Variants in LONP1 observed in about 807,000 individuals in gnomAD.
The protein encoded by LONP1 is lon protease homolog, mitochondrial.
A neutral mutation model predicts 98.5 loss-of-function variants in LONP1; 31 were observed. That is an observed-to-expected ratio of 0.31 (90% confidence interval 0.24 to 0.42). The LOEUF (loss-of-function observed/expected upper bound fraction) is 0.42. LONP1 is among the 20% of genes least tolerant of loss of function. The pLI, the probability that LONP1 is intolerant of heterozygous loss-of-function variation, is 1.00. For synonymous variants in LONP1, 781 were observed against 594.7 expected (o/e 1.31, Z -4.56); for missense variants, 1,336 against 1,350.6 (o/e 0.99, Z 0.17).
chr19:5,719,253 T>C lies in LONP1; in HGVS notation c.429+451A>G, dbSNP rs2055382401. ...GCCATATCCCCAGAACCTAGAACAC[T>C]CTCTGGCAAATAATAAGCAATCAAG... On this transcript the variant is annotated intron_variant, in intron 1 of 17. Transcript: ENST00000360614. 2.0e-5 allele frequency among the ~76,000 whole-genome samples: 3 copies of C among 152,124 alleles called. No homozygotes were observed. In the South Asian group the frequency reaches 6.2e-4, roughly 31 times the overall value.
intron 17 of LONP1, among the ~76,000 whole-genome samples, chr19:5,692,541 G>A (rs1270420425): frequency 6.6e-6 from 1 of 152,152 alleles, no homozygotes; most frequent in East Asian, 1.9e-4. Context: ...GGCAGTGTCT[G>A]GGGCCTGAAC....
intron 1 of LONP1, among the ~76,000 whole-genome samples, chr19:5,716,933 ACG>A (rs1568329686): frequency 6.6e-6 from 1 of 151,944 alleles, no homozygotes; most frequent in East Asian, 1.9e-4. Flanking sequence ...AGCTGGGACT[ACG>A]GGCGCCCACC....
At chr19:5,692,785 C>T (rs1285164813) in intron 17 of LONP1, among the ~76,000 whole-genome samples, 2 of 152,154 alleles carry the variant, frequency 1.3e-5, no homozygotes, top group East Asian at 3.8e-4. Flanking sequence ...TCAAGGTGGT[C>T]ACAGCCACTT....
upstream of LONP1, chr19:5,720,221 G>C (rs779511987): frequency 7.2e-7 from 1 of 1,381,786 alleles, no homozygotes; most frequent in Non-Finnish European, 9.3e-7. Flanking sequence ...CTCGGTACCC[G>C]ATGGGCGCGT....
intron 9 of LONP1, 58 bp downstream of exon 9, chr19:5,700,731 G>A: frequency 6.2e-7 from 1 of 1,603,194 alleles, no homozygotes; most frequent in Non-Finnish European, 8.5e-7. Context: ...CAGCACACAA[G>A]AGTCCTGGGC....
At chr19:5,692,510 C>T (rs985289605) in intron 17 of LONP1, among the ~76,000 whole-genome samples, 16 of 152,190 alleles carry the variant, frequency 1.1e-4, no homozygotes, top group South Asian at 4.1e-4. Context: ...CACACACCCA[C>T]GGCCTCACAT....
In LONP1 at chr19:5,719,827, G is replaced by C; in HGVS notation, c.306C>G (p.Gly102=). The C allele has an allele frequency of 6.2e-7, 1 of 1,609,610 alleles. No homozygotes were observed. Among genetic ancestry groups the C allele is most frequent in the Non-Finnish European group, 8.5e-7 (1 of 1,178,728 alleles). The change falls in exon 1 of 18, where the codon GGC becomes GGG. Residue 102 remains glycine, a synonymous_variant. Transcript: ENST00000360614. ...EGAGGAGGSA[G]AGEGPVITAL... ...CCGTTATGACCGGGCCTTCCCCGGC[G>C]CCCGCGCTGCCCCCCGCGCCGCCGG...
In LONP1 at chr19:5,696,298, T is replaced by G. The variant is rs200839886; in HGVS notation, c.1847A>C (p.Asn616Thr). Residue 616 changes from asparagine to threonine, a missense_variant, in exon 12 of 18, where the codon AAT (asparagine) becomes ACT (threonine). By Grantham distance (65) the Asn-to-Thr change is moderately conservative. This residue lies in a region of LONP1 where 555 missense variants were observed against 542.6 expected (regional missense o/e 1.02). Coordinates refer to ENST00000360614, the MANE Select transcript of LONP1 (RefSeq NM_004793.4). ...CAGGTAGTGGTCCAGGAAGTTGGCA[T>G]TCTGCTCTGGGTCCAGCAGCTCCAG... ...ALLELLDPEQ[N>T]ANFLDHYLDV... is the part of the protein sequence containing the mutation. 5 of 1,613,398 alleles carry G rather than the reference T, an allele frequency of 3.1e-6. No individual in the cohort carries two copies. The highest frequency in any genetic ancestry group is 1.7e-5 in the Admixed American group (1 of 60,016).
intron 10 of LONP1, 25 bp downstream of exon 10, chr19:5,699,002 G>C (rs1352839543): frequency 4.4e-6 from 7 of 1,586,272 alleles, no homozygotes; most frequent in Non-Finnish European, 6.0e-6. Flanking sequence ...GGAGTGCGTG[G>C]GGAGAGCTGT....
chr19:5,700,748 A>AC (rs1303020563), intron 9 of LONP1, 41 bp downstream of exon 9: 2 of 1,610,748 alleles, frequency 1.2e-6, no homozygotes, highest in African/African-American at 2.7e-5. Context: ...GGGCCCGGGC[A>AC]CCCACATGCA....
In LONP1 at chr19:5,696,691, G is replaced by A. The variant is rs1168674097; in HGVS notation, c.1752C>T (p.Asn584=). ...IQCLKKTKTE[N]PLILIDEVDK... ...GCACCTCGTCGATGAGGATCAGGGG[G>A]TTCTCCGTCTTGGTCTTCTTCAAAC... Residue 584 remains asparagine (N), a synonymous_variant, in exon 11 of 18, where the codon AAC becomes AAT. Coordinates refer to ENST00000360614, the MANE Select transcript of LONP1 (RefSeq NM_004793.4). 1.1e-5 allele frequency: 17 copies of A among 1,613,554 alleles called. No homozygotes were observed. The East Asian group carries it at 1.3e-4, about 13-fold the overall frequency.
In LONP1 at chr19:5,707,596, G is replaced by C. The variant is rs562271979; in HGVS notation, c.1062+101C>G. Reference sequence around the variant, plus strand: ...TGGAGGGACAAGGGCAGCCAGGCATGGGGGAGCTGAGGAGGAACGGGGGCA... The same window carrying C: ...TGGAGGGACAAGGGCAGCCAGGCATCGGGGAGCTGAGGAGGAACGGGGGCA... On this transcript the variant is annotated intron_variant, in intron 6 of 17. Transcript: ENST00000360614. The C allele has an allele frequency of 3.9e-6, 5 of 1,279,748 alleles. No homozygotes were observed. The East Asian group carries it at 7.0e-5, about 18-fold the overall frequency. 79.3% of individuals were successfully genotyped at this position (1,279,748 alleles called of 1,614,324 possible).
At chr19:5,698,796 T>C (rs1030008442) in intron 10 of LONP1, among the ~76,000 whole-genome samples, 1 of 152,192 alleles carries the variant, frequency 6.6e-6, no homozygotes, top group Admixed American at 6.5e-5. Context: ...GAGAAGTCTC[T>C]CTCCCAGGGG....
intron 4 of LONP1, among the ~76,000 whole-genome samples, chr19:5,709,900 T>A (rs1599473286): frequency 1.3e-5 from 1 of 79,782 alleles, no homozygotes; most frequent in Non-Finnish European, 2.2e-5. Flanking sequence ...CGACAGAGGC[T>A]CCATCTCAAA....
At chr19:5,694,250 C>T (rs1022226007) in intron 15 of LONP1, 137 bp downstream of exon 15, 54 of 1,158,852 alleles carry the variant, frequency 4.7e-5, no homozygotes, top group Non-Finnish European at 6.5e-5. Context: ...ACCCCCTGGG[C>T]TCCCAGCACA....
rs1345467036 is a variant in LONP1, at chr19:5,693,614, T to C, written c.2476A>G (p.Met826Val). The C allele has an allele frequency of 6.2e-7, 1 of 1,614,072 alleles. No individual in the cohort carries two copies. Among genetic ancestry groups the C allele is most frequent in the South Asian group, 1.1e-5 (1 of 91,074 alleles). The change falls in exon 16 of 18, where the codon ATG becomes GTG. Residue 826 changes from methionine to valine, a missense_variant. Transcript: ENST00000360614. ...TAGTCATTGGCGGGGGCGTGCTGCA[T>C]GAGGAAGGCTCTGGCGAAGGTGTAG... ...IAYTFARAFL[M>V]QHAPANDYLV...
At chr19:5,717,227 G>C (rs1348076054) in intron 1 of LONP1, 3 of 152,188 alleles carry the variant, frequency 2.0e-5, no homozygotes, top group Non-Finnish European at 4.4e-5. Context: ...GAGCAAGTTG[G>C]CCAGACAAGT....
chr19:5,702,128 G>A (rs1289429590), intron 8 of LONP1, among the ~76,000 whole-genome samples: 21 of 148,178 alleles, frequency 1.4e-4, no homozygotes, highest in South Asian at 1.1e-3. Context: ...GGTGAGGGGC[G>A]CCTCTGCCCG....
At position 5,699,174 on chromosome 19, in the gene LONP1, G is replaced by A. The variant is rs1434711186; in HGVS notation, c.1538C>T (p.Ser513Phe). The change falls in exon 10 of 18, where the codon TCC becomes TTC. Residue 513 changes from serine to phenylalanine, a missense_variant. This residue lies in a region of LONP1 where 219 missense variants were observed against 241.0 expected (regional missense o/e 0.91). Coordinates refer to ENST00000360614, the MANE Select transcript of LONP1 (RefSeq NM_004793.4). ...GAAGCAGAGGATCTTGCCCTGGGTG[G>A]AGCCGCGGAGCTGGCTAACGGCAAT... ...EFIAVSQLRG[S>F]TQGKILCFYG... 2 of 1,516,136 alleles carry A rather than the reference G, an allele frequency of 1.3e-6. No individual in the cohort carries two copies. The highest frequency in any genetic ancestry group is 1.8e-6 in the Non-Finnish European group (2 of 1,124,962). The allele number at this position is 1,516,136 out of a possible 1,614,324, so 93.9% of individuals were successfully genotyped here.
Sources: allele counts gnomAD v4.1 joint callset (sites outside exome capture counted in the v4.1 genomes callset), GRCh38; gene constraint gnomAD v4.1.1; regional missense constraint gnomAD v4.1.1; transcripts MANE v1.5; gene names NCBI Gene and HGNC (gene_info 2026-07-23, HGNC 2026-07-21).